The following MOB3B variants were observed in gnomAD, a reference collection of about 807,000 sequenced individuals.
MOB3B encodes the protein MOB kinase activator 3B.
MOB3B carries 7 observed loss-of-function variants against 18.7 expected under a neutral mutation model. The observed-to-expected ratio is 0.37, with a 90% CI of 0.21 to 0.70. The LOEUF (loss-of-function observed/expected upper bound fraction) is 0.70. MOB3B is among the 30% of genes least tolerant of loss of function. The probability of loss-of-function intolerance (pLI) is 0.52; values close to 1 mark genes in which losing one functional copy is unlikely to be tolerated. For missense variants in MOB3B, 253 were observed against 281.3 expected, an observed-to-expected ratio of 0.90 and a Z score of 0.72; for synonymous variants, 111 against 99.9, an observed-to-expected ratio of 1.11 and a Z score of -0.66.
At chr9:27,430,678 C>T (rs1196295524) in intron 2 of MOB3B, among the ~76,000 whole-genome samples, 7 of 151,950 alleles carry the variant, frequency 4.6e-5, no homozygotes, top group African/African-American at 9.7e-5. Flanking sequence ...TTCGTCCAGG[C>T]GGAATTCAAA....
intron 1 of MOB3B, among the ~76,000 whole-genome samples, chr9:27,457,563 C>A (rs1226776428): frequency 6.6e-6 from 1 of 152,230 alleles, no homozygotes; most frequent in African/African-American, 2.4e-5. Context: ...GAATTGCTAA[C>A]CAGGCGGTGG....
intron 1 of MOB3B, among the ~76,000 whole-genome samples, chr9:27,467,785 G>T (rs535593088): frequency 1.6e-4 from 25 of 152,350 alleles, no homozygotes; most frequent in Middle Eastern, 6.8e-3. Context: ...TTTATGAATG[G>T]AATTGGTCTG....
chr9:27,464,042 G>C (rs1563875144), intron 1 of MOB3B, among the ~76,000 whole-genome samples: 1 of 152,186 alleles, frequency 6.6e-6, no homozygotes, highest in African/African-American at 2.4e-5. Context: ...AATTAGAAGA[G>C]ATATTGCCAG....
At chr9:27,417,569 G>A (rs1474685055) in intron 2 of MOB3B, among the ~76,000 whole-genome samples, 1 of 151,982 alleles carries the variant, frequency 6.6e-6, no homozygotes, top group African/African-American at 2.4e-5. Context: ...TCTTCCTTGG[G>A]ATTTAAAAAA....
chr9:27,360,503 TCAAA>T (rs556312671), intron 2 of MOB3B, among the ~76,000 whole-genome samples: 8 of 152,120 alleles, frequency 5.3e-5, no homozygotes, highest in Admixed American at 2.0e-4. Flanking sequence ...AGACTCCGTC[TCAAA>T]CAAACAAACA....
At chr9:27,525,188 T>G (rs1820416998) in intron 1 of MOB3B, among the ~76,000 whole-genome samples, 1 of 152,202 alleles carries the variant, frequency 6.6e-6, no homozygotes, top group African/African-American at 2.4e-5. Context: ...TTTAAAGGAA[T>G]AAGATTCCCT....
intron 1 of MOB3B, among the ~76,000 whole-genome samples, chr9:27,482,696 C>T (rs1245306579): frequency 6.6e-6 from 1 of 152,198 alleles, no homozygotes; most frequent in East Asian, 1.9e-4. Flanking sequence ...TCCCACCAAA[C>T]CCTTTCCAAG....
chr9:27,487,511 C>T (rs1819747325), intron 1 of MOB3B, among the ~76,000 whole-genome samples: 1 of 152,104 alleles, frequency 6.6e-6, no homozygotes, highest in Admixed American at 6.6e-5. Flanking sequence ...AGGCCCACAT[C>T]CCCATCACCT....
intron 2 of MOB3B, among the ~76,000 whole-genome samples, chr9:27,366,122 GC>G (rs1821339433): frequency 6.6e-6 from 1 of 152,172 alleles, no homozygotes; most frequent in Admixed American, 6.5e-5. Flanking sequence ...TGATGAGACA[GC>G]CTTGTAGCCC....
At chr9:27,524,265 A>C in intron 1 of MOB3B, 1 of 1,486,638 alleles carries the variant, frequency 6.7e-7, no homozygotes, top group Non-Finnish European at 9.1e-7. Flanking sequence ...AGGTATATAA[A>C]GGCACATGAA....
intron 1 of MOB3B, among the ~76,000 whole-genome samples, chr9:27,472,628 G>A (rs539775208): frequency 7.3e-6 from 1 of 137,528 alleles, no homozygotes; most frequent in South Asian, 2.3e-4. Context: ...GACCAAAACA[G>A]GTATCTGGTA....
At chr9:27,429,699 A>T (rs1367326042) in intron 2 of MOB3B, among the ~76,000 whole-genome samples, 1 of 152,100 alleles carries the variant, frequency 6.6e-6, no homozygotes, top group Non-Finnish European at 1.5e-5. Context: ...TGTTGCATAG[A>T]CGGAGAGCTT....
intron 2 of MOB3B, among the ~76,000 whole-genome samples, chr9:27,369,936 CTTTTT>C (rs59186320): frequency 1.6e-3 from 198 of 125,928 alleles, no homozygotes; most frequent in African/African-American, 3.1e-3. Flanking sequence ...TTTAATTGTC[CTTTTT>C]TTTTTTTTTT....
intron 3 of MOB3B, among the ~76,000 whole-genome samples, chr9:27,341,599 G>T (rs949913481): frequency 6.6e-6 from 1 of 152,190 alleles, no homozygotes; most frequent in Admixed American, 6.5e-5. Flanking sequence ...CTTGCTAGAA[G>T]TTTGACTACC....
chr9:27,363,230 C>T (rs768076013), intron 2 of MOB3B, among the ~76,000 whole-genome samples: 1 of 152,152 alleles, frequency 6.6e-6, no homozygotes, highest in African/African-American at 2.4e-5. Flanking sequence ...CAGTGACACC[C>T]TGAGTAGTGG....
intron 2 of MOB3B, among the ~76,000 whole-genome samples, chr9:27,454,026 A>C (rs188048416): frequency 1.3e-5 from 2 of 152,324 alleles, no homozygotes; most frequent in East Asian, 3.9e-4. Flanking sequence ...AGTATGAGGG[A>C]ACTGGACAAG....
intron 2 of MOB3B, among the ~76,000 whole-genome samples, chr9:27,450,639 C>A (rs1822769259): frequency 6.6e-6 from 1 of 152,076 alleles, no homozygotes; most frequent in Non-Finnish European, 1.5e-5. Context: ...AAGCCTTTAC[C>A]ATGTGAAGGG....
intron 1 of MOB3B, among the ~76,000 whole-genome samples, chr9:27,494,443 G>A (rs187267760): frequency 6.6e-6 from 1 of 152,204 alleles, no homozygotes; most frequent in Non-Finnish European, 1.5e-5. Context: ...TGTCTCCCTT[G>A]GATGCCCAGC....
At chr9:27,439,219 A>G (rs754737249) in intron 2 of MOB3B, among the ~76,000 whole-genome samples, 1 of 152,186 alleles carries the variant, frequency 6.6e-6, no homozygotes, top group Non-Finnish European at 1.5e-5. Flanking sequence ...AAAGGCAAAC[A>G]GAATCTACCT....
Sources: allele counts gnomAD v4.1 joint callset (sites outside exome capture counted in the v4.1 genomes callset), GRCh38; gene constraint gnomAD v4.1.1; transcripts MANE v1.5; gene names NCBI Gene and HGNC (gene_info 2026-07-23, HGNC 2026-07-21).